STK4: variants seen among roughly 807,000 people sequenced by gnomAD.
STK4 encodes the protein serine/threonine-protein kinase 4.
STK4 carries 30 observed loss-of-function variants against 64.9 expected under a neutral mutation model. The ratio of observed to expected loss-of-function variants is 0.46; its 90% CI spans 0.35 to 0.63. The LOEUF (loss-of-function observed/expected upper bound fraction) is 0.63. STK4 is among the 20% of genes least tolerant of loss of function. The pLI, the probability that STK4 is intolerant of heterozygous loss-of-function variation, is 0.01. For missense variants in STK4, 466 were observed against 598.5 expected, an observed-to-expected ratio of 0.78 and a Z score of 2.31; for synonymous variants, 177 against 199.0, an observed-to-expected ratio of 0.89 and a Z score of 0.93.
In STK4 at chr20:44,995,118, T is replaced by C. The variant is rs1261102030; in HGVS notation, c.554T>C (p.Ile185Thr). 6.2e-7 allele frequency: 1 copy of C among 1,612,814 alleles called. No individual in the cohort carries two copies. Among genetic ancestry groups the C allele is most frequent in the African/African-American group, 1.3e-5 (1 of 74,914 alleles). ...TDTMAKRNTV[I>T]GTPFWMAPEV... ...ACCATGGCCAAGCGGAATACAGTGA[T>C]AGGAACACCATTTTGGATGGCTCCA... is the stretch of plus-strand genomic sequence containing the variant. Residue 185 changes from isoleucine to threonine, a missense_variant, in exon 6 of 11, where the codon ATA becomes ACA. This residue lies in a region of STK4 where 190 missense variants were observed against 289.7 expected (regional missense o/e 0.66). Coordinates refer to ENST00000372806, the MANE Select transcript of STK4 (RefSeq NM_006282.5).
At chr20:45,070,426 A>G (rs1288804450) in intron 10 of STK4, among the ~76,000 whole-genome samples, 1 of 152,154 alleles carries the variant, frequency 6.6e-6, no homozygotes, top group Non-Finnish European at 1.5e-5. Context: ...AAAGGATTGG[A>G]TGTTGGCAGG....
At chr20:44,986,851 G>C (rs2067538135) in intron 4 of STK4, among the ~76,000 whole-genome samples, 1 of 152,094 alleles carries the variant, frequency 6.6e-6, no homozygotes, top group African/African-American at 2.4e-5. Flanking sequence ...CAGAGGGAGA[G>C]GGGTAAGGTG....
chr20:44,987,862 AG>A (rs1252799860), intron 5 of STK4, among the ~76,000 whole-genome samples: 20 of 152,142 alleles, frequency 1.3e-4, no homozygotes, highest in Non-Finnish European at 2.6e-4. Context: ...AAATAGTTTT[AG>A]GCAGGTATAC....
chr20:45,029,399 C>T (rs911688660), intron 10 of STK4, among the ~76,000 whole-genome samples: 1 of 152,166 alleles, frequency 6.6e-6, no homozygotes, highest in Admixed American at 6.5e-5. Context: ...TGACATTCTA[C>T]TCTATTTGTA....
At chr20:44,999,533 T>C (rs1470082993) in intron 7 of STK4, among the ~76,000 whole-genome samples, 1 of 152,202 alleles carries the variant, frequency 6.6e-6, no homozygotes, top group African/African-American at 2.4e-5. Flanking sequence ...AGAATTTCCA[T>C]ATGTAACTTT....
At chr20:45,017,882 A>T (rs2068172252) in intron 9 of STK4, among the ~76,000 whole-genome samples, 1 of 152,234 alleles carries the variant, frequency 6.6e-6, no homozygotes, top group South Asian at 2.1e-4. Flanking sequence ...GTCCATTCAT[A>T]TAGAGGCAGT....
chr20:45,015,117 C>T (rs140081170), intron 9 of STK4, among the ~76,000 whole-genome samples: 2 of 152,260 alleles, frequency 1.3e-5, no homozygotes, highest in East Asian at 3.9e-4. Context: ...GTTTATAGTT[C>T]CTCAGAAAGT....
At chr20:45,070,935 A>G (rs1980017225) in intron 10 of STK4, among the ~76,000 whole-genome samples, 1 of 152,084 alleles carries the variant, frequency 6.6e-6, no homozygotes, top group Non-Finnish European at 1.5e-5. Context: ...TATCATTAGA[A>G]TAGCATGGGA....
intron 5 of STK4, among the ~76,000 whole-genome samples, chr20:44,988,539 A>ATATATT (rs2067575743): frequency 8.9e-6 from 1 of 111,912 alleles, no homozygotes; most frequent in African/African-American, 4.6e-5. Flanking sequence ...GTGTGTATAT[A>ATATATT]TATATATATA....
At chr20:45,057,285 G>T (rs756933319) in intron 10 of STK4, among the ~76,000 whole-genome samples, 1 of 152,184 alleles carries the variant, frequency 6.6e-6, no homozygotes, top group Non-Finnish European at 1.5e-5. Context: ...CACAGCACAC[G>T]TTCTTCAGAG....
chr20:45,050,141 G>A (rs950828661), intron 10 of STK4, among the ~76,000 whole-genome samples: 2 of 152,164 alleles, frequency 1.3e-5, no homozygotes, highest in Admixed American at 6.5e-5. Context: ...AGCAGTGCTC[G>A]TGCCATGGCT....
At chr20:44,987,664 G>A (rs2067553937) in intron 5 of STK4, among the ~76,000 whole-genome samples, 1 of 152,070 alleles carries the variant, frequency 6.6e-6, no homozygotes, top group African/African-American at 2.4e-5. Context: ...CTTCCAGGTA[G>A]TACTTGGCAG....
rs142014184 is a variant in STK4 at position 44,989,916 on chromosome 20, C to T, written c.525+2620C>T. Among the ~76,000 whole-genome samples the T allele has an allele frequency of 6.4e-3, 979 of 152,260 alleles. 12 individuals are homozygous for T. In the Middle Eastern group the frequency reaches 0.065, roughly 10 times the overall value. ...ATTGACCTATATGTCTGTCCTTGCA[C>T]CAGTTCTGTGCTGTCTTGATTACTG... On this transcript the variant is annotated intron_variant, in intron 5 of 10. Coordinates refer to ENST00000372806, the MANE Select transcript of STK4 (RefSeq NM_006282.5).
rs561898719 is a variant in STK4 at position 44,980,919 on chromosome 20, C to T, written c.246-910C>T. Among the ~76,000 whole-genome samples, 202 of 152,224 alleles carry T rather than the reference C, an allele frequency of 1.3e-3. 1 individual carries two copies. Among genetic ancestry groups the T allele is most frequent in the African/African-American group, 4.7e-3 (194 of 41,546 alleles). ...TCCTGACCTCGGGATCCGCCCACCTCGGCCTCCCAAAGTGCTGGGATTACA... is the reference window on the plus strand; with the variant it reads ...TCCTGACCTCGGGATCCGCCCACCTTGGCCTCCCAAAGTGCTGGGATTACA... On this transcript the variant is annotated intron_variant, in intron 3 of 10. Transcript: ENST00000372806.
In STK4 at chr20:44,987,313, C is replaced by G; in HGVS notation, c.525+17C>G. The G allele has an allele frequency of 6.3e-7, 1 of 1,592,772 alleles. No individual in the cohort carries two copies. Among genetic ancestry groups the G allele is most frequent in the Admixed American group, 1.9e-5 (1 of 53,490 alleles). On this transcript the variant is annotated intron_variant, in intron 5 of 10. Transcript: ENST00000372806. ...CAACTTACAGTAAGTAAAAATATTACTTGTATTGATAATTTTCATTTCTGT... is the reference window on the plus strand; with the variant it reads ...CAACTTACAGTAAGTAAAAATATTAGTTGTATTGATAATTTTCATTTCTGT...
intron 9 of STK4, among the ~76,000 whole-genome samples, chr20:45,008,153 C>CT (rs1436588817): frequency 4.6e-5 from 7 of 152,308 alleles, no homozygotes; most frequent in African/African-American, 1.7e-4. Flanking sequence ...CTCCCAGGTT[C>CT]AAGCAATTCT....
At chr20:45,019,096 A>G (rs2068197175) in intron 9 of STK4, among the ~76,000 whole-genome samples, 1 of 152,192 alleles carries the variant, frequency 6.6e-6, no homozygotes, top group Non-Finnish European at 1.5e-5. Flanking sequence ...CATAGAATTC[A>G]GTGTTTTTTT....
At chr20:45,046,541 G>A (rs1045741151) in intron 10 of STK4, among the ~76,000 whole-genome samples, 3 of 151,384 alleles carry the variant, frequency 2.0e-5, no homozygotes, top group African/African-American at 7.3e-5. Flanking sequence ...ATATTTTCTG[G>A]TTATATCTCT....
At chr20:45,000,304 G>A in intron 7 of STK4, 88 bp from the exon 8 acceptor site, 1 of 1,455,850 alleles carries the variant, frequency 6.9e-7, no homozygotes, top group South Asian at 1.4e-5. Flanking sequence ...TTCAACACAT[G>A]TTATCCAGTA....
Sources: allele counts gnomAD v4.1 joint callset (sites outside exome capture counted in the v4.1 genomes callset), GRCh38; gene constraint gnomAD v4.1.1; regional missense constraint gnomAD v4.1.1; transcripts MANE v1.5; gene names NCBI Gene and HGNC (gene_info 2026-07-23, HGNC 2026-07-21).